Variants in USP6NL observed in about 807,000 individuals in gnomAD.
USP6NL encodes the protein USP6 N-terminal-like protein.
USP6NL carries 26 observed loss-of-function variants against 61.9 expected under a neutral mutation model. The observed-to-expected ratio is 0.42, with a 90% CI of 0.31 to 0.58. USP6NL has a LOEUF of 0.58. Among genes scored for constraint, USP6NL ranks in the 20% least tolerant of loss-of-function variants. The pLI is 0.16. For missense variants in USP6NL, 1,114 were observed against 1,034.3 expected, an observed-to-expected ratio of 1.08 and a Z score of -1.06; for synonymous variants, 432 against 390.1, an observed-to-expected ratio of 1.11 and a Z score of -1.27.
In USP6NL at chr10:11,485,443, T is replaced by C. The variant is rs74116257; in HGVS notation, c.760-209A>G. Among the ~76,000 whole-genome samples the C allele has an allele frequency of 6.6e-4, 101 of 152,362 alleles. 1 individual carries two copies. The highest frequency in any genetic ancestry group is 2.4e-3 in the African/African-American group (99 of 41,592). ...TTACAGTGAGCTTTCTTTGTTTTAC[T>C]AAACTACTGTGTTTTATAGTAAGGC... On this transcript the variant is annotated intron_variant, in intron 11 of 14. Transcript: ENST00000609104. This position sits in a 1 kb window ranked among gnomAD's most constrained non-coding sequence, Gnocchi z 4.8.
rs1386101512 is a variant in USP6NL, at chr10:11,602,181, A to C, written c.-83-4464T>G. On this transcript the variant is annotated intron_variant, in intron 1 of 14. Coordinates refer to ENST00000609104, the MANE Select transcript of USP6NL (RefSeq NM_014688.5). This position sits in a 1 kb window ranked among gnomAD's most constrained non-coding sequence, Gnocchi z 4.8. Reference sequence around the variant, plus strand: ...TCTTAAAGAAATTCAATGACAATGAATGAATAAACAACGAGCAACGTATTT... The same window carrying C: ...TCTTAAAGAAATTCAATGACAATGACTGAATAAACAACGAGCAACGTATTT... Among the ~76,000 whole-genome samples, 2 of 152,208 alleles carry C rather than the reference A, an allele frequency of 1.3e-5. No individual in the cohort carries two copies. Among genetic ancestry groups the C allele is most frequent in the African/African-American group, 4.8e-5 (2 of 41,462 alleles).
In USP6NL at chr10:11,588,415, C is replaced by T. The variant is rs536671277; in HGVS notation, c.4+9216G>A. ...TTTTTCGGAACCATACACTGAGGTA[C>T]ATATGGGAAAAGGAGCATGATACAT... On this transcript the variant is annotated intron_variant, in intron 2 of 14. Transcript: ENST00000609104. 5.9e-5 allele frequency among the ~76,000 whole-genome samples: 9 copies of T among 152,210 alleles called. No individual in the cohort carries two copies. The East Asian group carries it at 1.7e-3, about 29-fold the overall frequency.
intron 2 of USP6NL, among the ~76,000 whole-genome samples, chr10:11,535,905 A>G (rs1257131967): frequency 6.6e-6 from 1 of 152,220 alleles, no homozygotes; most frequent in African/African-American, 2.4e-5. Flanking sequence ...ATTATTTTAC[A>G]TGTGGAAATC....
At chr10:11,547,133 C>A (rs1836298939) in intron 2 of USP6NL, among the ~76,000 whole-genome samples, 1 of 152,154 alleles carries the variant, frequency 6.6e-6, no homozygotes, top group Non-Finnish European at 1.5e-5. Flanking sequence ...CAAGTCACAA[C>A]CTGCACAAGT....
chr10:11,545,852 A>G (rs1311309913), intron 2 of USP6NL, among the ~76,000 whole-genome samples: 1 of 149,368 alleles, frequency 6.7e-6, no homozygotes, highest in Non-Finnish European at 1.5e-5. Flanking sequence ...GTATTTGCAT[A>G]TGACACTGAT....
chr10:11,554,750 G>GA (rs1020795505), intron 2 of USP6NL, among the ~76,000 whole-genome samples: 154 of 104,416 alleles, frequency 1.5e-3, no homozygotes, highest in African/African-American at 1.9e-3. Context: ...ACAATACCAA[G>GA]AAAAAAAAAA....
chr10:11,555,345 G>T (rs1240672402), intron 2 of USP6NL, among the ~76,000 whole-genome samples: 2 of 145,274 alleles, frequency 1.4e-5, no homozygotes, highest in Non-Finnish European at 3.0e-5. Flanking sequence ...AACACGGGAA[G>T]TGGACGTTGC....
chr10:11,562,831 A>C lies in USP6NL; in HGVS notation c.4+34800T>G. ...GCATTAGTAAATAAGTTTTAGAAGA[A>C]TAATAGTAAGGGTCTTTTGGTAGTT... On this transcript the variant is annotated intron_variant, in intron 2 of 14. Coordinates refer to ENST00000609104, the MANE Select transcript of USP6NL (RefSeq NM_014688.5). The surrounding 1 kb of genome is among the most constrained non-coding windows in gnomAD (Gnocchi z 4.8). 5.4e-5 allele frequency: 52 copies of C among 962,224 alleles called. No individual in the cohort carries two copies. The highest frequency in any genetic ancestry group is 6.4e-5 in the Non-Finnish European group (52 of 808,838). 59.6% of individuals were successfully genotyped at this position (962,224 alleles called of 1,614,324 possible). A position where few individuals can be genotyped will look rare whatever the true frequency, so the allele number is the denominator to read the frequency against.
chr10:11,557,428 C>T (rs1359884891), intron 2 of USP6NL, among the ~76,000 whole-genome samples: 4 of 152,164 alleles, frequency 2.6e-5, no homozygotes, highest in African/African-American at 4.8e-5. Flanking sequence ...AGATGGATGG[C>T]AGGATCTGTG....
Position 11,611,487 on chromosome 10 carries a change from T to C in USP6NL, c.-128A>G. 1 of 159,328 alleles carries C rather than the reference T, an allele frequency of 6.3e-6. No individual in the cohort carries two copies. The highest frequency in any genetic ancestry group is 1.4e-5 in the Non-Finnish European group (1 of 73,152). The allele number at this position is 159,328 out of a possible 1,614,324, so 9.9% of individuals were successfully genotyped here. The stretch of plus-strand genomic sequence containing the variant: ...CTAGGCTGTGGGCAGCGGACAGAGC[T>C]GGCGGTCCCGGGCGGCCGAGCAGAT... On this transcript the variant is annotated 5_prime_UTR_variant, in exon 1 of 15. Coordinates refer to ENST00000609104, the MANE Select transcript of USP6NL (RefSeq NM_014688.5). This position sits in a 1 kb window ranked among gnomAD's most constrained non-coding sequence, Gnocchi z 5.3.
rs1252820546 is a variant in USP6NL, at chr10:11,592,237, A to G, written c.4+5394T>C. Reference sequence around the variant, plus strand: ...GATAAATTAGCTAAAAGCACAGTATATTCCACTTTAAATAGTGTTAATAAC... The same window carrying G: ...GATAAATTAGCTAAAAGCACAGTATGTTCCACTTTAAATAGTGTTAATAAC... On this transcript the variant is annotated intron_variant, in intron 2 of 14. Coordinates refer to ENST00000609104, the MANE Select transcript of USP6NL (RefSeq NM_014688.5). The surrounding 1 kb of genome is among the most constrained non-coding windows in gnomAD (Gnocchi z 4.7). Among the ~76,000 whole-genome samples, 1 of 152,232 alleles carries G rather than the reference A, an allele frequency of 6.6e-6. No homozygotes were observed. The highest frequency in any genetic ancestry group is 1.5e-5 in the Non-Finnish European group (1 of 68,038).
In USP6NL at chr10:11,463,412, C is replaced by T. The variant is rs1181431333; in HGVS notation, c.1516G>A (p.Gly506Ser). 6.2e-7 allele frequency: 1 copy of T among 1,613,918 alleles called. No individual in the cohort carries two copies. Among genetic ancestry groups the T allele is most frequent in the Admixed American group, 1.7e-5 (1 of 60,006 alleles). ...TERTAKYTME[G>S]KGRAAHPALA... Reference sequence around the variant, plus strand: ...GCGGGGTGCGCTGCTCGACCTTTGCCTTCCATGGTGTATTTGGCAGTTCTC... The same window carrying T: ...GCGGGGTGCGCTGCTCGACCTTTGCTTTCCATGGTGTATTTGGCAGTTCTC... The change falls in exon 15 of 15, where the codon GGC (glycine) becomes AGC (serine). Residue 506 changes from glycine to serine, a missense_variant. By Grantham distance (56) the Gly-to-Ser change is moderately conservative. Transcript: ENST00000609104. The surrounding 1 kb of genome is among the most constrained non-coding windows in gnomAD (Gnocchi z 6.3).
rs966700801 is a variant in USP6NL at position 11,496,576 on chromosome 10, G to C, written c.385-3348C>G. Among the ~76,000 whole-genome samples the C allele has an allele frequency of 4.6e-5, 7 of 152,076 alleles. No individual in the cohort carries two copies. The highest frequency in any genetic ancestry group is 3.8e-4 in the East Asian group (2 of 5,200). On this transcript the variant is annotated intron_variant, in intron 7 of 14. Coordinates refer to ENST00000609104, the MANE Select transcript of USP6NL (RefSeq NM_014688.5). The surrounding 1 kb of genome is among the most constrained non-coding windows in gnomAD (Gnocchi z 5.4). ...TAAATGAGTATGTTGAATCTCCCAT[G>C]TTTAAACAGATGGGAGATTAAAATT...
At position 11,611,527 on chromosome 10, in the gene USP6NL, CGCG is replaced by C. The variant is rs564723504; in HGVS notation, c.-171_-169del. On this transcript the variant is annotated 5_prime_UTR_variant, in exon 1 of 15. Transcript: ENST00000609104. The surrounding 1 kb of genome is among the most constrained non-coding windows in gnomAD (Gnocchi z 5.3). ...GCCGAGCAGATCCGGCGCGGCGCGG[CGCG>C]GCGGCGGCGGCGGCTACCGCAGTGC... is the stretch of plus-strand genomic sequence containing the variant. 7.6e-4 allele frequency: 121 copies of C among 158,928 alleles called. No homozygotes were observed. Among genetic ancestry groups the C allele is most frequent in the Middle Eastern group, 2.0e-3 (2 of 990 alleles). The allele number at this position is 158,928 out of a possible 1,614,324, so 9.8% of individuals were successfully genotyped here.
chr10:11,531,669 A>C (rs1403345582), intron 2 of USP6NL, among the ~76,000 whole-genome samples: 6 of 107,734 alleles, frequency 5.6e-5, no homozygotes, highest in African/African-American at 1.7e-4. Flanking sequence ...ATGTTTGTTT[A>C]AAAAAAAAAA....
chr10:11,526,700 C>T (rs1835434114), intron 3 of USP6NL, among the ~76,000 whole-genome samples: 1 of 152,092 alleles, frequency 6.6e-6, no homozygotes, highest in Admixed American at 6.5e-5. Context: ...TCAGAAGGAA[C>T]AGATACATAA....
intron 14 of USP6NL, among the ~76,000 whole-genome samples, chr10:11,477,971 T>C (rs1833037601): frequency 6.6e-6 from 1 of 152,224 alleles, no homozygotes; most frequent in Non-Finnish European, 1.5e-5. Flanking sequence ...GCATGAATAC[T>C]GAAAAGGAAG....
rs528338923 is a variant in USP6NL, at chr10:11,468,018, C to A, written c.1079-4169G>T. On this transcript the variant is annotated intron_variant, in intron 14 of 14. Transcript: ENST00000609104. The surrounding 1 kb of genome is among the most constrained non-coding windows in gnomAD (Gnocchi z 4.5). Reference sequence around the variant, plus strand: ...TTTTGTTGATGGCATTCTTCCAATTCATTAAATGAGCAATCTTACCAAAAA... The same window carrying A: ...TTTTGTTGATGGCATTCTTCCAATTAATTAAATGAGCAATCTTACCAAAAA... 5.9e-5 allele frequency among the ~76,000 whole-genome samples: 9 copies of A among 152,330 alleles called. No individual in the cohort carries two copies. The South Asian group carries it at 8.3e-4, about 14-fold the overall frequency.
At chr10:11,515,677 T>A (rs1281473688) in intron 5 of USP6NL, among the ~76,000 whole-genome samples, 1 of 152,210 alleles carries the variant, frequency 6.6e-6, no homozygotes, top group Non-Finnish European at 1.5e-5. Flanking sequence ...CTGTGCTGTG[T>A]CAAGTATGAG....
Sources: allele counts gnomAD v4.1 joint callset (sites outside exome capture counted in the v4.1 genomes callset), GRCh38; gene constraint gnomAD v4.1.1; non-coding constraint Gnocchi (gnomAD v3.1); transcripts MANE v1.5; gene names NCBI Gene and HGNC (gene_info 2026-07-23, HGNC 2026-07-21).